Variants in ADGRE2 observed in about 807,000 individuals in gnomAD.
The protein encoded by ADGRE2 is adhesion G protein-coupled receptor E2.
Under a neutral mutation model 100.8 loss-of-function variants are expected in ADGRE2, and 83 were observed. The observed-to-expected ratio is 0.82, with a 90% CI of 0.69 to 0.99. ADGRE2 has a LOEUF of 0.99. ADGRE2 is among the 50% of genes least tolerant of loss of function. ADGRE2 has a pLI of 0.00. For missense variants in ADGRE2, 814 were observed against 1,035.7 expected (o/e 0.79, Z 2.94); for synonymous variants, 355 against 413.0 (o/e 0.86, Z 1.70).
At chr19:14,752,261 G>T (rs773946291) in intron 15 of ADGRE2, 68 bp downstream of exon 15, 3 of 1,574,416 alleles carry the variant, frequency 1.9e-6, no homozygotes, top group Non-Finnish European at 1.7e-6. Context: ...ATCAAATGCC[G>T]CATCATTCCA....
chr19:14,768,721 C>T (rs1423738625), intron 5 of ADGRE2: 3 of 152,342 alleles, frequency 2.0e-5, no homozygotes, highest in Non-Finnish European at 2.9e-5. Flanking sequence ...CTCCAGTGCA[C>T]TCAGGTGGAC....
rs200734533 is a variant in ADGRE2, at chr19:14,743,811, T to C, written c.2184-27A>G. On this transcript the variant is annotated intron_variant, in intron 18 of 20. Coordinates refer to ENST00000315576, the MANE Select transcript of ADGRE2 (RefSeq NM_013447.4). ...TGGATTGAGTAAGAAAGGAGGCTGG[T>C]GATGCACCCAGAGAAAGAGAATCAA... 3.7e-6 allele frequency: 6 copies of C among 1,609,678 alleles called. No individual in the cohort carries two copies. The East Asian group carries it at 8.9e-5, about 24-fold the overall frequency.
chr19:14,752,692 C>T (rs751767596), intron 14 of ADGRE2, among the ~76,000 whole-genome samples, 166 bp from the exon 15 acceptor site: 1 of 152,078 alleles, frequency 6.6e-6, no homozygotes, highest in Non-Finnish European at 1.5e-5. Flanking sequence ...AGGTGTCACC[C>T]GAGCCTCATG....
chr19:14,739,935 T>C (rs2042876789), intron 20 of ADGRE2, among the ~76,000 whole-genome samples: 2 of 152,052 alleles, frequency 1.3e-5, no homozygotes, highest in Non-Finnish European at 2.9e-5. Context: ...ACCCTGTCTC[T>C]ACTAAAAATA....
chr19:14,754,529 C>T lies in ADGRE2; in HGVS notation c.1590+425G>A, dbSNP rs73517992. Among the ~76,000 whole-genome samples, 345 of 152,032 alleles carry T rather than the reference C, an allele frequency of 2.3e-3. 2 individuals carry two copies. The highest frequency in any genetic ancestry group is 7.7e-3 in the African/African-American group (318 of 41,426). ...TCCCTCTAGAGAACCTCGACTAATA[C>T]AAAGCTTAAGAGGGATTCTGCGTGA... On this transcript the variant is annotated intron_variant, in intron 14 of 20. Transcript: ENST00000315576.
chr19:14,767,130 T>C, intron 5 of ADGRE2, 21 bp from the exon 6 acceptor site: 2 of 1,605,578 alleles, frequency 1.2e-6, no homozygotes, highest in Non-Finnish European at 1.7e-6. Flanking sequence ...AAGGAGAGGG[T>C]GAAGAATGCC....
At chr19:14,774,082 G>A in intron 3 of ADGRE2, 28 bp from the exon 4 acceptor site, 2 of 1,603,414 alleles carry the variant, frequency 1.2e-6, no homozygotes, top group African/African-American at 1.3e-5. Flanking sequence ...ACGGTCAGAA[G>A]GTGAGGGGTA....
At position 14,776,926 on chromosome 19, in the gene ADGRE2, A is replaced by T. The variant is rs927645699; in HGVS notation, c.-170T>A. ...GGGCCCTCCCCGGAACTGGCGGTGC[A>T]GCTGGAAGCCAGCAGGAAAGCACAA... On this transcript the variant is annotated splice_region_variant and 5_prime_UTR_variant, in exon 2 of 21. Coordinates refer to ENST00000315576, the MANE Select transcript of ADGRE2 (RefSeq NM_013447.4). 1.1e-5 allele frequency: 16 copies of T among 1,467,384 alleles called. No homozygotes were observed. The highest frequency in any genetic ancestry group is 4.3e-5 in the African/African-American group (3 of 69,820). The allele number at this position is 1,467,384 out of a possible 1,614,324, so 90.9% of individuals were successfully genotyped here.
Position 14,768,925 on chromosome 19 carries a change from C to T in ADGRE2, c.356-1816G>A, listed in dbSNP as rs1307647911. On this transcript the variant is annotated intron_variant, in intron 5 of 20. Transcript: ENST00000315576. ...TCATTTCTGGACAGGGTGCCTGGGT[C>T]CATGATGAGCTGGGGGATCAGAGAG... 3 of 152,248 alleles carry T rather than the reference C, an allele frequency of 2.0e-5. No homozygotes were observed. In the East Asian group the frequency reaches 5.8e-4, roughly 29 times the overall value. 9.4% of individuals were successfully genotyped at this position (152,248 alleles called of 1,614,324 possible).
In ADGRE2 at chr19:14,764,602, T is replaced by A. The variant is rs1321987420; in HGVS notation, c.915A>T (p.Leu305Phe). 5 of 1,611,544 alleles carry A rather than the reference T, an allele frequency of 3.1e-6. No individual in the cohort carries two copies. Among genetic ancestry groups the A allele is most frequent in the Non-Finnish European group, 4.2e-6 (5 of 1,179,498 alleles). Residue 305 changes from leucine (L) to phenylalanine (F), a missense_variant, in exon 11 of 21, where the codon TTA becomes TTT. By Grantham distance (22) the Leu-to-Phe change is conservative (BLOSUM62 0). This residue lies in a region of ADGRE2 where 569 missense variants were observed against 692.7 expected (regional missense o/e 0.82). Coordinates refer to ENST00000315576, the MANE Select transcript of ADGRE2 (RefSeq NM_013447.4). ...GLANNTIQSI[L>F]QALDELLEAP... ...CCTCCAGCAGCTCATCCAGCGCCTG[T>A]AAGATGCTCTGGAGGGATGTGGACA...
intron 5 of ADGRE2, chr19:14,771,920 A>C (rs1235420891): frequency 3.9e-5 from 7 of 181,010 alleles, no homozygotes; most frequent in African/African-American, 1.2e-4. Context: ...ATTACAGTGC[A>C]TAATAACGTT....
At position 14,764,557 on chromosome 19, in the gene ADGRE2, G is replaced by A. The variant is rs1368001158; in HGVS notation, c.960C>T (p.Thr320=). 6.2e-7 allele frequency: 1 copy of A among 1,612,858 alleles called. No homozygotes were observed. The highest frequency in any genetic ancestry group is 1.1e-5 in the South Asian group (1 of 91,076). Residue 320 remains threonine, a synonymous_variant, in exon 11 of 21, where the codon ACC becomes ACT. Transcript: ENST00000315576. ...CACAGTGCTGCTGTAAGCGGGGCAGGGTCTCCAGGTCCCCAGGGGCCTCCA... is the reference window on the plus strand; with the variant it reads ...CACAGTGCTGCTGTAAGCGGGGCAGAGTCTCCAGGTCCCCAGGGGCCTCCA... The part of the protein sequence containing the change: ...ELLEAPGDLE[T]LPRLQQHCVA...
At chr19:14,727,379 T>C in the ADGRE2 span, among the ~76,000 whole-genome samples, 2 of 152,148 alleles carry the variant, frequency 1.3e-5, no homozygotes, top group Admixed American at 6.5e-5. Context: ...ACAAACATGG[T>C]ACCAACATCT....
intron 11 of ADGRE2, among the ~76,000 whole-genome samples, chr19:14,757,526 T>C (rs895137786): frequency 6.6e-6 from 1 of 152,156 alleles, no homozygotes; most frequent in Admixed American, 6.6e-5. Context: ...CAGAATAGAA[T>C]TGAGAGTCCA....
At chr19:14,763,762 T>C (rs2043827794) in intron 11 of ADGRE2, among the ~76,000 whole-genome samples, 1 of 66,652 alleles carries the variant, frequency 1.5e-5, no homozygotes, top group Non-Finnish European at 3.2e-5. Context: ...TCTCCTCTCC[T>C]CCTCCTCCTC....
chr19:14,744,341 C>G (rs2074539), intron 18 of ADGRE2, among the ~76,000 whole-genome samples: 23,251 of 152,102 alleles, frequency 0.15, 2,010 homozygotes, highest in Non-Finnish European at 0.19. Context: ...CCAGGCATGA[C>G]ACACAAAATT....
At position 14,736,181 on chromosome 19, in the gene ADGRE2, A is replaced by G; in HGVS notation, c.*55T>C. 6.4e-7 allele frequency: 1 copy of G among 1,561,420 alleles called. No homozygotes were observed. The highest frequency in any genetic ancestry group is 1.7e-5 in the Admixed American group (1 of 59,362). On this transcript the variant is annotated 3_prime_UTR_variant, in exon 21 of 21. Transcript: ENST00000315576. ...TTTCTTTCCCCTCTAGATGGCTCAA[A>G]GATTGTTCAGATTTTCCACGGGCAA...
chr19:14,776,059 T>C (rs561636379), intron 2 of ADGRE2, among the ~76,000 whole-genome samples: 17 of 152,026 alleles, frequency 1.1e-4, no homozygotes, highest in African/African-American at 3.9e-4. Flanking sequence ...TTGGGGTGCA[T>C]GTGGCGCTGC....
rs926861163 is a variant in ADGRE2, at chr19:14,765,618, T to A, written c.781+40A>T. On this transcript the variant is annotated intron_variant, in intron 8 of 20. Coordinates refer to ENST00000315576, the MANE Select transcript of ADGRE2 (RefSeq NM_013447.4). ...CTCATTAGGCGGGAGCGTGTCAGTGTGTGTGCTGGGGGTGGGGAGCTTCTA... is the reference window on the plus strand; with the variant it reads ...CTCATTAGGCGGGAGCGTGTCAGTGAGTGTGCTGGGGGTGGGGAGCTTCTA... The A allele has an allele frequency of 5.0e-6, 8 of 1,614,128 alleles. No homozygotes were observed. In the Admixed American group the frequency reaches 1.3e-4, roughly 27 times the overall value.
Sources: gnomAD v4.1 joint callset for allele counts (sites outside exome capture counted in the v4.1 genomes callset) on GRCh38, gnomAD v4.1.1 for gene constraint, gnomAD v4.1.1 regional missense constraint, MANE v1.5 for transcripts, NCBI Gene and HGNC (gene_info 2026-07-23, HGNC 2026-07-21) for gene names.